The following ELP4 variants were observed in gnomAD, a reference collection of about 807,000 sequenced individuals.
ELP4 encodes elongator acetyltransferase complex subunit 4.
Under a neutral mutation model 48.9 loss-of-function variants are expected in ELP4, and 51 were observed. The ratio of observed to expected loss-of-function variants is 1.04; its 90% CI spans 0.83 to 1.32. The LOEUF (loss-of-function observed/expected upper bound fraction) is 1.32. ELP4 is among the 40% of genes most tolerant of loss of function. ELP4 has a pLI of 0.00. For missense variants in ELP4, 519 were observed against 514.6 expected (o/e 1.01, Z -0.08); for synonymous variants, 210 against 189.2 (o/e 1.11, Z -0.90).
At chr11:31,779,488 T>C (rs945622299) in intron 9 of ELP4, among the ~76,000 whole-genome samples, 2 of 152,134 alleles carry the variant, frequency 1.3e-5, no homozygotes, top group Non-Finnish European at 1.5e-5. Context: ...GAACAAAATA[T>C]AGACAGTGGC....
chr11:31,648,961 C>T (rs540700175), intron 8 of ELP4: 58 of 151,578 alleles, frequency 3.8e-4, no homozygotes, highest in African/African-American at 1.2e-3. Context: ...AAATAAGAAA[C>T]GTACAAATAA....
intron 7 of ELP4, among the ~76,000 whole-genome samples, chr11:31,638,522 A>G (rs1362864800): frequency 6.6e-6 from 1 of 151,846 alleles, no homozygotes. Context: ...GTTAGCTTAT[A>G]CCAAGGAAAA....
In ELP4 at chr11:31,783,657, G is replaced by A. The variant is rs745752908; in HGVS notation, c.*133G>A. The A allele has an allele frequency of 9.0e-5, 74 of 818,858 alleles. No individual in the cohort carries two copies. The Admixed American group carries it at 9.7e-4, about 11-fold the overall frequency. 50.7% of individuals were successfully genotyped at this position (818,858 alleles called of 1,614,324 possible). On this transcript the variant is annotated 3_prime_UTR_variant, in exon 10 of 10. Coordinates refer to ENST00000640961, the MANE Select transcript of ELP4 (RefSeq NM_019040.5). ...AAACACAGGATTATAAAATGGTGCC[G>A]CCATTTCTCATTTTTTAACTTTTTA...
intron 9 of ELP4, among the ~76,000 whole-genome samples, chr11:31,739,811 G>T (rs1947406667): frequency 6.6e-6 from 1 of 152,150 alleles, no homozygotes; most frequent in Admixed American, 6.5e-5. Context: ...AGACCACAAG[G>T]AAGTCCATAA....
chr11:31,697,812 A>G (rs1419087482), intron 9 of ELP4, among the ~76,000 whole-genome samples: 1 of 152,184 alleles, frequency 6.6e-6, no homozygotes, highest in East Asian at 1.9e-4. Context: ...TTTTTATATT[A>G]ACAAAAGCAG....
At chr11:31,516,254 A>G (rs1956109285) in intron 1 of ELP4, among the ~76,000 whole-genome samples, 1 of 152,210 alleles carries the variant, frequency 6.6e-6, no homozygotes. Context: ...AAAGTAAGAA[A>G]CTTTTTAATA....
At chr11:31,563,546 A>T (rs1015488823) in intron 3 of ELP4, among the ~76,000 whole-genome samples, 2 of 152,172 alleles carry the variant, frequency 1.3e-5, no homozygotes, top group African/African-American at 4.8e-5. Flanking sequence ...TAAATACTGG[A>T]ATAATATTTT....
chr11:31,564,718 T>A (rs1219807784), intron 3 of ELP4, among the ~76,000 whole-genome samples: 1 of 152,224 alleles, frequency 6.6e-6, no homozygotes, highest in South Asian at 2.1e-4. Context: ...TCATCCTTTT[T>A]TATGGCTGCA....
At chr11:31,526,222 G>A (rs1414591569) in intron 2 of ELP4, among the ~76,000 whole-genome samples, 1 of 152,070 alleles carries the variant, frequency 6.6e-6, no homozygotes, top group East Asian at 1.9e-4. Context: ...ATATATGGTA[G>A]CTGAGATTCA....
At chr11:31,745,685 C>G (rs2134229157) in intron 9 of ELP4, among the ~76,000 whole-genome samples, 1 of 152,170 alleles carries the variant, frequency 6.6e-6, no homozygotes, top group South Asian at 2.1e-4. Context: ...ACTGGCTAGC[C>G]ATATGTAGAA....
intron 5 of ELP4, among the ~76,000 whole-genome samples, chr11:31,605,579 A>G (rs6484513): frequency 0.61 from 92,832 of 151,970 alleles, 31,920 homozygotes; most frequent in Non-Finnish European, 0.76. Context: ...TAAAATGTAT[A>G]TTATGTTTGA....
At position 31,639,532 on chromosome 11, in the gene ELP4, C is replaced by T. The variant is rs1057514847; in HGVS notation, c.927+7127C>T. On this transcript the variant is annotated intron_variant, in intron 7 of 9. Coordinates refer to ENST00000640961, the MANE Select transcript of ELP4 (RefSeq NM_019040.5). ...TTAAAGTCACATCATAGCTTGTGTG[C>T]GTTATACGTATATATTTAATTTACT... Among the ~76,000 whole-genome samples the T allele has an allele frequency of 7.3e-5, 11 of 151,724 alleles. No individual in the cohort carries two copies. In the East Asian group the frequency reaches 7.8e-4, roughly 11 times the overall value.
At chr11:31,680,772 GCTT>G (rs1161196173) in intron 9 of ELP4, among the ~76,000 whole-genome samples, 2 of 152,172 alleles carry the variant, frequency 1.3e-5, no homozygotes, top group Admixed American at 6.5e-5. Context: ...ATCATGAAAA[GCTT>G]CTTTGCAGAG....
rs150170910 is a variant in ELP4, at chr11:31,738,423, A to C, written c.1144-44970A>C. On this transcript the variant is annotated intron_variant, in intron 9 of 9. Transcript: ENST00000640961. The stretch of plus-strand genomic sequence containing the variant: ...TGAGATCCTGTCTCAAAAAAAAATA[A>C]ATGAATAAATAAAAATAAAAAACAA... Among the ~76,000 whole-genome samples, 636 of 151,362 alleles carry C rather than the reference A, an allele frequency of 4.2e-3. 4 individuals are homozygous for C. The highest frequency in any genetic ancestry group is 0.019 in the South Asian group (89 of 4,770).
chr11:31,538,220 A>G lies in ELP4; in HGVS notation c.260-1442A>G, dbSNP rs376743507. ...ATTAGTATAGTATAATTCTTTAAAT[A>G]CTTAAAGCCAAATCCAGTAATATGA... On this transcript the variant is annotated intron_variant, in intron 2 of 9. Coordinates refer to ENST00000640961, the MANE Select transcript of ELP4 (RefSeq NM_019040.5). Among the ~76,000 whole-genome samples the G allele has an allele frequency of 2.3e-3, 347 of 150,020 alleles. 13 individuals carry two copies. The South Asian group carries it at 0.07, about 30-fold the overall frequency.
chr11:31,735,278 C>T (rs987232747), intron 9 of ELP4, among the ~76,000 whole-genome samples: 1 of 151,542 alleles, frequency 6.6e-6, no homozygotes, highest in Non-Finnish European at 1.5e-5. Context: ...GTTTAAAACA[C>T]CTAGAAGAAA....
chr11:31,574,400 C>A (rs928334410), intron 3 of ELP4, among the ~76,000 whole-genome samples: 1 of 152,276 alleles, frequency 6.6e-6, no homozygotes, highest in Non-Finnish European at 1.5e-5. Context: ...CTTCTGCAGA[C>A]TTAAACCTCC....
intron 5 of ELP4, among the ~76,000 whole-genome samples, chr11:31,605,409 T>G (rs1350603522): frequency 6.6e-6 from 1 of 152,074 alleles, no homozygotes; most frequent in African/African-American, 2.4e-5. Context: ...TGCATTTACA[T>G]AGAAGCTTGC....
intron 3 of ELP4, among the ~76,000 whole-genome samples, chr11:31,556,695 T>C (rs547793136): frequency 6.6e-6 from 1 of 152,018 alleles, no homozygotes; most frequent in East Asian, 1.9e-4. Context: ...AAGAAGTATC[T>C]AAGATCGAGA....
Sources: allele counts gnomAD v4.1 joint callset (sites outside exome capture counted in the v4.1 genomes callset), GRCh38; gene constraint gnomAD v4.1.1; transcripts MANE v1.5; gene names NCBI Gene and HGNC (gene_info 2026-07-23, HGNC 2026-07-21).